LRFN5: variants seen among roughly 807,000 people sequenced by gnomAD.
LRFN5 encodes the protein leucine rich repeat and fibronectin type III domain containing 5.
LRFN5 carries 24 observed loss-of-function variants against 45.6 expected under a neutral mutation model. The observed-to-expected ratio is 0.53, with a 90% CI of 0.38 to 0.74. The LOEUF is 0.74. LRFN5 is among the 30% of genes least tolerant of loss of function. The probability of loss-of-function intolerance (pLI) is 0.00; values close to 1 mark genes in which losing one functional copy is unlikely to be tolerated. For missense variants in LRFN5, 776 were observed against 861.5 expected, an observed-to-expected ratio of 0.90 and a Z score of 1.24; for synonymous variants, 340 against 313.8, an observed-to-expected ratio of 1.08 and a Z score of -0.88.
intron 2 of LRFN5, among the ~76,000 whole-genome samples, chr14:41,786,071 A>G (rs957436713): frequency 2.0e-5 from 3 of 152,068 alleles, no homozygotes; most frequent in African/African-American, 4.8e-5. Flanking sequence ...GTTTATGTCT[A>G]TATTTTTGCT....
chr14:41,839,160 C>T (rs1888769097), intron 2 of LRFN5, among the ~76,000 whole-genome samples: 1 of 151,986 alleles, frequency 6.6e-6, no homozygotes, highest in Non-Finnish European at 1.5e-5. Flanking sequence ...TTTATAATTT[C>T]TACGATTTAG....
intron 1 of LRFN5, among the ~76,000 whole-genome samples, chr14:41,651,161 C>A (rs1566604018): frequency 6.6e-6 from 1 of 152,064 alleles, no homozygotes; most frequent in Admixed American, 6.6e-5. Context: ...GGCAAGGGAG[C>A]AAATTGTGTA....
At chr14:41,670,234 C>T (rs1180771192) in intron 1 of LRFN5, among the ~76,000 whole-genome samples, 14 of 124,680 alleles carry the variant, frequency 1.1e-4, no homozygotes, top group East Asian at 2.3e-4. Context: ...TGTATACACA[C>T]ACACACACAC....
At chr14:41,657,433 G>T (rs2138631139) in intron 1 of LRFN5, among the ~76,000 whole-genome samples, 1 of 151,952 alleles carries the variant, frequency 6.6e-6, no homozygotes, top group African/African-American at 2.4e-5. Flanking sequence ...GTTGTCACTG[G>T]AATTAACACT....
chr14:41,760,735 AAG>A (rs1457615732), intron 1 of LRFN5, among the ~76,000 whole-genome samples: 2 of 151,476 alleles, frequency 1.3e-5, no homozygotes, highest in Non-Finnish European at 2.9e-5. Context: ...AGAGAGAAGA[AAG>A]AGGAAACAGG....
chr14:41,787,813 T>C (rs35963043), intron 2 of LRFN5, among the ~76,000 whole-genome samples: 22,807 of 152,074 alleles, frequency 0.15, 1,848 homozygotes, highest in Non-Finnish European at 0.18. Context: ...CTGTACTTAA[T>C]GTTTGTGTCT....
intron 1 of LRFN5, among the ~76,000 whole-genome samples, chr14:41,643,133 T>A (rs946679175): frequency 1.3e-5 from 2 of 152,170 alleles, no homozygotes; most frequent in African/African-American, 4.8e-5. Context: ...ACTCCCTACA[T>A]ATTTTGTTGA....
At chr14:41,856,187 T>G (rs561362962) in intron 2 of LRFN5, among the ~76,000 whole-genome samples, 149 of 152,320 alleles carry the variant, frequency 9.8e-4, no homozygotes, top group African/African-American at 3.4e-3. Flanking sequence ...GTACTGTCAT[T>G]GTGAAATTAC....
At chr14:41,710,638 A>G (rs1000925430) in intron 1 of LRFN5, among the ~76,000 whole-genome samples, 1 of 152,144 alleles carries the variant, frequency 6.6e-6, no homozygotes, top group Non-Finnish European at 1.5e-5. Context: ...TTTAAATTAT[A>G]CTTCAAGTTC....
intron 1 of LRFN5, among the ~76,000 whole-genome samples, chr14:41,757,007 T>G (rs920293083): frequency 2.0e-5 from 3 of 152,080 alleles, no homozygotes; most frequent in African/African-American, 7.2e-5. Flanking sequence ...TCTGTTGGAG[T>G]TTGCTGGAGG....
intron 1 of LRFN5, among the ~76,000 whole-genome samples, chr14:41,670,292 T>G (rs1396002302): frequency 3.0e-5 from 2 of 65,702 alleles, no homozygotes; most frequent in Non-Finnish European, 5.5e-5. Context: ...TATATATATA[T>G]ATATATATAT....
intron 1 of LRFN5, among the ~76,000 whole-genome samples, chr14:41,748,563 C>T (rs1287284801): frequency 1.3e-5 from 2 of 151,952 alleles, no homozygotes; most frequent in East Asian, 3.9e-4. Context: ...GAAAAGAGTT[C>T]TGGAGAAGAG....
chr14:41,702,902 A>G (rs1250853684), intron 1 of LRFN5, among the ~76,000 whole-genome samples: 3 of 151,980 alleles, frequency 2.0e-5, no homozygotes. Context: ...GCAGTACTGA[A>G]CTCCCTCCTG....
chr14:41,877,731 T>C (rs773571618), intron 2 of LRFN5, among the ~76,000 whole-genome samples: 3 of 152,090 alleles, frequency 2.0e-5, no homozygotes, highest in Non-Finnish European at 4.4e-5. Flanking sequence ...AATATCAAAG[T>C]ATAATAAGTC....
chr14:41,662,483 A>C (rs548469700), intron 1 of LRFN5, among the ~76,000 whole-genome samples: 45 of 152,182 alleles, frequency 3.0e-4, no homozygotes, highest in Admixed American at 2.4e-3. Context: ...ACCAACTGTA[A>C]AATTTTAAAT....
intron 1 of LRFN5, among the ~76,000 whole-genome samples, chr14:41,678,936 C>G (rs531303892): frequency 6.6e-6 from 1 of 152,266 alleles, no homozygotes; most frequent in South Asian, 2.1e-4. Context: ...GAATCTGTGA[C>G]CTTGGCGTAG....
chr14:41,877,373 A>G (rs1164191628), intron 2 of LRFN5, among the ~76,000 whole-genome samples: 1 of 152,198 alleles, frequency 6.6e-6, no homozygotes, highest in Non-Finnish European at 1.5e-5. Context: ...TTTAGAAAGC[A>G]ATGAGTATCT....
chr14:41,724,721 A>T (rs1213247029), intron 1 of LRFN5, among the ~76,000 whole-genome samples: 2 of 152,202 alleles, frequency 1.3e-5, no homozygotes, highest in Non-Finnish European at 2.9e-5. Context: ...CTGGAAAATT[A>T]TTGTATGTGA....
At chr14:41,651,140 C>T (rs1880105603) in intron 1 of LRFN5, among the ~76,000 whole-genome samples, 1 of 152,100 alleles carries the variant, frequency 6.6e-6, no homozygotes, top group Admixed American at 6.5e-5. Context: ...ACATTTTGTG[C>T]TCAAGCTCAT....
Sources: gnomAD v4.1 joint callset for allele counts (sites outside exome capture counted in the v4.1 genomes callset) on GRCh38, gnomAD v4.1.1 for gene constraint, MANE v1.5 for transcripts, NCBI Gene and HGNC (gene_info 2026-07-23, HGNC 2026-07-21) for gene names.